The following CD200R1L variants were observed in gnomAD, a reference collection of about 807,000 sequenced individuals.
CD200R1L encodes cell surface glycoprotein CD200 receptor 2.
CD200R1L carries 14 observed loss-of-function variants against 24.8 expected under a neutral mutation model. The observed-to-expected ratio is 0.56, with a 90% CI of 0.37 to 0.88. The LOEUF (loss-of-function observed/expected upper bound fraction) is 0.88. Among genes scored for constraint, CD200R1L ranks in the 40% least tolerant of loss-of-function variants. The pLI, the probability that CD200R1L is intolerant of heterozygous loss-of-function variation, is 0.00. For missense variants in CD200R1L, 299 were observed against 297.8 expected, an observed-to-expected ratio of 1.00 and a Z score of -0.03; for synonymous variants, 111 against 109.2, an observed-to-expected ratio of 1.02 and a Z score of -0.11.
intron 3 of CD200R1L, among the ~76,000 whole-genome samples, chr3:112,834,148 G>T (rs1938875689): frequency 6.6e-6 from 1 of 151,924 alleles, no homozygotes; most frequent in Non-Finnish European, 1.5e-5. Context: ...TTAGGAGGGT[G>T]CTGTGTCCCT....
chr3:112,819,481 C>T (rs932413661), intron 7 of CD200R1L, among the ~76,000 whole-genome samples: 1 of 152,136 alleles, frequency 6.6e-6, no homozygotes, highest in Admixed American at 6.5e-5. Flanking sequence ...TTGAGAAGCC[C>T]CAGAAACTTT....
At chr3:112,817,242 T>A (rs1030607594) in intron 7 of CD200R1L, among the ~76,000 whole-genome samples, 1 of 151,914 alleles carries the variant, frequency 6.6e-6, no homozygotes, top group Non-Finnish European at 1.5e-5. Flanking sequence ...AATTTACTAA[T>A]TTAGTTATTT....
chr3:112,841,783 C>T (rs1939087139), intron 2 of CD200R1L, among the ~76,000 whole-genome samples: 2 of 152,188 alleles, frequency 1.3e-5, no homozygotes, highest in South Asian at 2.1e-4. Context: ...CCCCGGAACA[C>T]CTGGTGCTCA....
chr3:112,834,491 C>A (rs544948554), intron 3 of CD200R1L, among the ~76,000 whole-genome samples: 2 of 152,234 alleles, frequency 1.3e-5, no homozygotes, highest in African/African-American at 4.8e-5. Flanking sequence ...TAGCTGTCCC[C>A]TAGTATACCA....
intron 2 of CD200R1L, among the ~76,000 whole-genome samples, chr3:112,843,588 A>G (rs1462917380): frequency 1.3e-5 from 2 of 152,262 alleles, no homozygotes; most frequent in Admixed American, 6.5e-5. Flanking sequence ...ATTTAAGAAC[A>G]ATGTCTGTTA....
At chr3:112,833,048 T>G (rs1428888622) in intron 3 of CD200R1L, among the ~76,000 whole-genome samples, 2 of 152,200 alleles carry the variant, frequency 1.3e-5, no homozygotes, top group Non-Finnish European at 2.9e-5. Context: ...CCTGACACAT[T>G]AGTGAAGTTT....
Position 112,827,155 on chromosome 3 carries a change from A to G in CD200R1L, c.454T>C (p.Trp152Arg). The change falls in exon 6 of 8, where the codon TGG (tryptophan) becomes CGG (arginine). Residue 152 changes from tryptophan to arginine, a missense_variant. Transcript: ENST00000488794. ...GCAAGAATAGATCCCTCTGGGATCC[A>G]GGAGATCTGGGCAGCTGGCTTCCCT... ...VTGKPAAQIS[W>R]IPEGSILATK... 1 of 1,613,626 alleles carries G rather than the reference A, an allele frequency of 6.2e-7. No homozygotes were observed. Among genetic ancestry groups the G allele is most frequent in the Non-Finnish European group, 8.5e-7 (1 of 1,180,006 alleles).
At chr3:112,838,440 G>T (rs2037820) in intron 2 of CD200R1L, among the ~76,000 whole-genome samples, 49,459 of 150,212 alleles carry the variant, frequency 0.33, 9,218 homozygotes, top group African/African-American at 0.5. Context: ...CTAGAACAAT[G>T]CCTGTTTCAA....
At chr3:112,819,741 T>C (rs36110952) in intron 7 of CD200R1L, 31 bp downstream of exon 7, 1 of 1,553,602 alleles carries the variant, frequency 6.4e-7, no homozygotes, top group African/African-American at 1.4e-5. Flanking sequence ...TTTTCTACTG[T>C]GTCTTATGCT....
At chr3:112,830,498 GTTTTT>G (rs11391916) in intron 3 of CD200R1L, among the ~76,000 whole-genome samples, 6 of 102,034 alleles carry the variant, frequency 5.9e-5, no homozygotes, top group African/African-American at 2.3e-4. Flanking sequence ...TGTCATTGCA[GTTTTT>G]TTTTTTTTTT....
At chr3:112,833,525 A>G (rs1379843604) in intron 3 of CD200R1L, among the ~76,000 whole-genome samples, 1 of 152,222 alleles carries the variant, frequency 6.6e-6, no homozygotes, top group African/African-American at 2.4e-5. Flanking sequence ...TCAGGCTCCT[A>G]AAACAACCCA....
chr3:112,830,613 T>C (rs1465860340), intron 3 of CD200R1L, among the ~76,000 whole-genome samples: 1 of 147,286 alleles, frequency 6.8e-6, no homozygotes. Context: ...CACTTGTCAA[T>C]AGGATGGGAT....
At chr3:112,843,358 A>G (rs1453909406) in intron 2 of CD200R1L, among the ~76,000 whole-genome samples, 1 of 152,256 alleles carries the variant, frequency 6.6e-6, no homozygotes, top group African/African-American at 2.4e-5. Context: ...TCAGATTAAG[A>G]GCAGACATCT....
intron 7 of CD200R1L, among the ~76,000 whole-genome samples, chr3:112,816,220 G>C (rs1938387063): frequency 6.6e-6 from 1 of 152,174 alleles, no homozygotes; most frequent in African/African-American, 2.4e-5. Context: ...GTGGAGGTCA[G>C]GTCTTCTCAT....
At chr3:112,819,746 TATGC>T (rs1244888216) in intron 7 of CD200R1L, 22 bp downstream of exon 7, 1 of 1,578,030 alleles carries the variant, frequency 6.3e-7, no homozygotes, top group Admixed American at 2.0e-5. Context: ...TACTGTGTCT[TATGC>T]TTTTCAGTCT....
At position 112,845,834 on chromosome 3, in the gene CD200R1L, G is replaced by T; in HGVS notation, c.-242C>A. On this transcript the variant is annotated 5_prime_UTR_variant, in exon 2 of 8. Transcript: ENST00000488794. ...TCTCTTGGTCACTTTTGCTTATTCTGTCTTCAACAGGATTGCAAAACATAT... is the reference window on the plus strand; with the variant it reads ...TCTCTTGGTCACTTTTGCTTATTCTTTCTTCAACAGGATTGCAAAACATAT... 1.3e-6 allele frequency: 1 copy of T among 794,904 alleles called. No individual in the cohort carries two copies. The highest frequency in any genetic ancestry group is 2.1e-6 in the Non-Finnish European group (1 of 474,504). The allele number at this position is 794,904 out of a possible 1,614,324, so 49.2% of individuals were successfully genotyped here.
intron 2 of CD200R1L, among the ~76,000 whole-genome samples, chr3:112,843,980 G>A (rs772834395): frequency 2.1e-4 from 32 of 152,020 alleles, no homozygotes; most frequent in Non-Finnish European, 2.9e-4. Flanking sequence ...AATGATAAAG[G>A]GTTCAAATCA....
At position 112,827,196 on chromosome 3, in the gene CD200R1L, A is replaced by G; in HGVS notation, c.413T>C (p.Val138Ala). The change falls in exon 6 of 8, where the codon GTA (valine) becomes GCA (alanine). Residue 138 changes from valine (V) to alanine (A), a missense_variant. By Grantham distance (64) the Val-to-Ala change is moderately conservative. Coordinates refer to ENST00000488794, the MANE Select transcript of CD200R1L (RefSeq NM_001199215.3). Reference sequence around the variant, plus strand: ...TGGCTTCCCTGTAACTGCCTTGCATACTGCAGTTATATTCCTGCTTTGAAA... The same window carrying G: ...TGGCTTCCCTGTAACTGCCTTGCATGCTGCAGTTATATTCCTGCTTTGAAA... ...NLFQSRNITA[V>A]CKAVTGKPAA... The G allele has an allele frequency of 6.2e-7, 1 of 1,613,480 alleles. No homozygotes were observed. Among genetic ancestry groups the G allele is most frequent in the Middle Eastern group, 1.8e-4 (1 of 5,652 alleles).
chr3:112,835,244 T>C (rs1938909089), intron 3 of CD200R1L, among the ~76,000 whole-genome samples: 1 of 152,164 alleles, frequency 6.6e-6, no homozygotes, highest in South Asian at 2.1e-4. Flanking sequence ...GTAGCTCCTT[T>C]CTGCAGCCAG....
Sources: gnomAD v4.1 joint callset for allele counts (sites outside exome capture counted in the v4.1 genomes callset) on GRCh38, gnomAD v4.1.1 for gene constraint, MANE v1.5 for transcripts, NCBI Gene and HGNC (gene_info 2026-07-23, HGNC 2026-07-21) for gene names.